The following MCU variants were observed in gnomAD, a reference collection of about 807,000 sequenced individuals.
MCU encodes calcium uniporter protein, mitochondrial.
MCU carries 12 observed loss-of-function variants against 45.2 expected under a neutral mutation model. The ratio of observed to expected loss-of-function variants is 0.27; its 90% CI spans 0.17 to 0.43. MCU has a LOEUF of 0.43. MCU is among the 20% of genes least tolerant of loss of function. MCU has a pLI of 1.00. For missense variants in MCU, 324 were observed against 436.7 expected (o/e 0.74, Z 2.30); for synonymous variants, 160 against 165.1 (o/e 0.97, Z 0.24).
chr10:72,834,461 ATAT>A (rs781284980), intron 2 of MCU, 33 bp downstream of exon 2: 63 of 1,569,534 alleles, frequency 4.0e-5, no homozygotes, highest in Non-Finnish European at 5.1e-5. Flanking sequence ...TTTATGTCTA[ATAT>A]TATTTCCTTC....
intron 1 of MCU, among the ~76,000 whole-genome samples, chr10:72,734,247 A>G (rs1589437022): frequency 1.3e-5 from 2 of 152,280 alleles, no homozygotes; most frequent in South Asian, 2.1e-4. Context: ...TCCTGTTTCT[A>G]AAAAAGAAAG....
rs192501008 is a variant in MCU, at chr10:72,755,501, G to T, written c.150+63200G>T. ...AGCCTGGTGTGTAATGTTGATGGTA[G>T]AGTGGGGAACAATTATACCTATCCA... On this transcript the variant is annotated intron_variant, in intron 1 of 7. Transcript: ENST00000373053. Among the ~76,000 whole-genome samples, 483 of 152,304 alleles carry T rather than the reference G, an allele frequency of 3.2e-3. 1 individual carries two copies. The highest frequency in any genetic ancestry group is 5.0e-3 in the Non-Finnish European group (342 of 68,022).
chr10:72,724,799 TG>T (rs746436034), intron 1 of MCU, among the ~76,000 whole-genome samples: 2 of 152,206 alleles, frequency 1.3e-5, no homozygotes. Flanking sequence ...GGAAATCCTT[TG>T]GAATAGATGG....
At chr10:72,830,981 A>G (rs975378773) in intron 1 of MCU, among the ~76,000 whole-genome samples, 2 of 152,216 alleles carry the variant, frequency 1.3e-5, no homozygotes, top group African/African-American at 2.4e-5. Context: ...GCTGCAGGAA[A>G]TTTAGCTCTC....
chr10:72,825,069 T>C (rs1160996033), intron 1 of MCU, among the ~76,000 whole-genome samples: 1 of 152,200 alleles, frequency 6.6e-6, no homozygotes, highest in African/African-American at 2.4e-5. Flanking sequence ...TCTTTTTTTA[T>C]TCTATCCTAG....
Position 72,853,091 on chromosome 10 carries a change from A to G in MCU, c.221-6086A>G, listed in dbSNP as rs114652646. Among the ~76,000 whole-genome samples the G allele has an allele frequency of 1.2e-3, 176 of 152,352 alleles. 1 individual carries two copies. The highest frequency in any genetic ancestry group is 4.0e-3 in the African/African-American group (167 of 41,590). On this transcript the variant is annotated intron_variant, in intron 2 of 7. Coordinates refer to ENST00000373053, the MANE Select transcript of MCU (RefSeq NM_138357.3). ...ACTATACAAGATCCAGCACTCAACA[A>G]TGTAAAATTAAAAATTTCTAACCAC...
intron 1 of MCU, among the ~76,000 whole-genome samples, chr10:72,797,532 T>C (rs1250658078): frequency 7.9e-6 from 1 of 127,096 alleles, no homozygotes; most frequent in Non-Finnish European, 1.7e-5. Context: ...GGCCATAATA[T>C]ACTTTTTTTT....
Position 72,752,218 on chromosome 10 carries a change from A to G in MCU, c.150+59917A>G, listed in dbSNP as rs141872433. 1.9e-4 allele frequency among the ~76,000 whole-genome samples: 29 copies of G among 152,010 alleles called. No individual in the cohort carries two copies. In the East Asian group the frequency reaches 5.6e-3, roughly 29 times the overall value. ...ATACTTTTCACGCATTATCTCAGAG[A>G]AGATCAGTCTGCTGAGGACATAAGT... On this transcript the variant is annotated intron_variant, in intron 1 of 7. Transcript: ENST00000373053.
intron 1 of MCU, among the ~76,000 whole-genome samples, chr10:72,698,566 G>A (rs1016583200): frequency 9.2e-5 from 14 of 152,148 alleles, no homozygotes; most frequent in African/African-American, 2.9e-4. Context: ...GTGCAGTGGC[G>A]CAATCTTGGC....
intron 1 of MCU, among the ~76,000 whole-genome samples, chr10:72,819,727 C>CTTTTTTTTTT (rs71021538): frequency 3.9e-5 from 4 of 102,602 alleles, no homozygotes; most frequent in Non-Finnish European, 5.6e-5. Context: ...TTTTTCCAGT[C>CTTTTTTTTTT]TTTTTTTTTT....
At chr10:72,779,409 C>T (rs1016098764) in intron 1 of MCU, among the ~76,000 whole-genome samples, 1 of 152,106 alleles carries the variant, frequency 6.6e-6, no homozygotes, top group Non-Finnish European at 1.5e-5. Context: ...ACACTAGAGG[C>T]ACAAGTGACA....
At chr10:72,830,275 A>G (rs189780210) in intron 1 of MCU, among the ~76,000 whole-genome samples, 3 of 152,352 alleles carry the variant, frequency 2.0e-5, no homozygotes, top group Middle Eastern at 3.4e-3. Context: ...CCCATGTTCT[A>G]TATCATCTAA....
intron 6 of MCU, among the ~76,000 whole-genome samples, chr10:72,881,943 A>T (rs569087113): frequency 6.6e-6 from 1 of 152,318 alleles, no homozygotes; most frequent in South Asian, 2.1e-4. Flanking sequence ...ATGTGGCATA[A>T]TTATTGTTGT....
At position 72,724,614 on chromosome 10, in the gene MCU, T is replaced by G. The variant is rs771631788; in HGVS notation, c.150+32313T>G. ...TAAAGGGCTGTATTATATATGAAAG[T>G]AGGGAACTACCTGTAAATGTTGCCA... is the stretch of plus-strand genomic sequence containing the variant. On this transcript the variant is annotated intron_variant, in intron 1 of 7. Coordinates refer to ENST00000373053, the MANE Select transcript of MCU (RefSeq NM_138357.3). Among the ~76,000 whole-genome samples the G allele has an allele frequency of 6.6e-5, 10 of 152,316 alleles. No individual in the cohort carries two copies. In the South Asian group the frequency reaches 8.3e-4, roughly 13 times the overall value.
chr10:72,723,671 A>G (rs937764736), intron 1 of MCU, among the ~76,000 whole-genome samples: 2 of 152,230 alleles, frequency 1.3e-5, no homozygotes, highest in Non-Finnish European at 2.9e-5. Context: ...AACTTGTCAT[A>G]CACATTTAAT....
At chr10:72,836,385 A>G (rs933580838) in intron 2 of MCU, among the ~76,000 whole-genome samples, 1 of 152,170 alleles carries the variant, frequency 6.6e-6, no homozygotes, top group East Asian at 1.9e-4. Flanking sequence ...TGGAATTGAT[A>G]CTAATTTTGC....
intron 1 of MCU, among the ~76,000 whole-genome samples, chr10:72,823,067 G>A (rs1293479446): frequency 6.6e-6 from 1 of 152,126 alleles, no homozygotes; most frequent in Non-Finnish European, 1.5e-5. Context: ...GTACATAAAT[G>A]TCTATAGCAG....
At chr10:72,773,764 A>G (rs77804488) in intron 1 of MCU, among the ~76,000 whole-genome samples, 2,037 of 152,332 alleles carry the variant, frequency 0.013, 18 homozygotes, top group Non-Finnish European at 0.024. Context: ...AGGAACTCCA[A>G]TTGGTCTGGC....
chr10:72,751,341 CT>C (rs71021528), intron 1 of MCU, among the ~76,000 whole-genome samples: 60 of 44,754 alleles, frequency 1.3e-3, no homozygotes, highest in African/African-American at 3.7e-3. Context: ...TCTTCTTCTT[CT>C]TTTTTTTTTT....
Sources: gnomAD v4.1 joint callset for allele counts (sites outside exome capture counted in the v4.1 genomes callset) on GRCh38, gnomAD v4.1.1 for gene constraint, MANE v1.5 for transcripts, NCBI Gene and HGNC (gene_info 2026-07-23, HGNC 2026-07-21) for gene names.